The following PIK3C2G variants were observed in gnomAD, a reference collection of about 807,000 sequenced individuals.
The protein encoded by PIK3C2G is phosphatidylinositol-4-phosphate 3-kinase catalytic subunit type 2 gamma.
PIK3C2G carries 168 observed loss-of-function variants against 181.1 expected under a neutral mutation model. The observed-to-expected ratio is 0.93, with a 90% CI of 0.82 to 1.05. PIK3C2G has a LOEUF of 1.05. PIK3C2G is among the 50% of genes least tolerant of loss of function. PIK3C2G has a pLI of 0.00. For synonymous variants in PIK3C2G, 573 were observed against 592.2 expected, an observed-to-expected ratio of 0.97 and a Z score of 0.47; for missense variants, 1,869 against 1,732.8, an observed-to-expected ratio of 1.08 and a Z score of -1.40.
At chr12:18,704,846 C>T in the PIK3C2G span, among the ~76,000 whole-genome samples, 1 of 151,998 alleles carries the variant, frequency 6.6e-6, no homozygotes, top group Non-Finnish European at 1.5e-5. Flanking sequence ...GAACTTTTGC[C>T]ACTTTCTAGG....
At chr12:18,670,509 T>G in the PIK3C2G span, among the ~76,000 whole-genome samples, 1 of 152,212 alleles carries the variant, frequency 6.6e-6, no homozygotes, top group Non-Finnish European at 1.5e-5. Flanking sequence ...AACACAGTTC[T>G]TAACCTCTTT....
intron 32 of PIK3C2G, among the ~76,000 whole-genome samples, chr12:18,642,823 T>TGC (rs55753341): frequency 6.7e-6 from 1 of 149,232 alleles, no homozygotes. Context: ...TGTGTGTGTG[T>TGC]ATAAAATGTA....
intron 24 of PIK3C2G, among the ~76,000 whole-genome samples, chr12:18,510,966 C>A (rs1343373607): frequency 1.3e-5 from 2 of 152,110 alleles, no homozygotes; most frequent in African/African-American, 4.8e-5. Flanking sequence ...ACTTTATACT[C>A]TTTGATCAAT....
chr12:18,304,393 A>G (rs1950332559), intron 5 of PIK3C2G, among the ~76,000 whole-genome samples: 1 of 152,096 alleles, frequency 6.6e-6, no homozygotes. Flanking sequence ...ATTAGCTGGG[A>G]CAACATGTGC....
At position 18,621,891 on chromosome 12, in the gene PIK3C2G, G is replaced by A. The variant is rs574177005; in HGVS notation, c.4182+12262G>A. 7.3e-5 allele frequency among the ~76,000 whole-genome samples: 11 copies of A among 151,438 alleles called. No individual in the cohort carries two copies. The South Asian group carries it at 2.1e-3, about 29-fold the overall frequency. On this transcript the variant is annotated intron_variant, in intron 31 of 32. Coordinates refer to ENST00000538779, the MANE Select transcript of PIK3C2G (RefSeq NM_001288772.2). The stretch of plus-strand genomic sequence containing the variant: ...ATTAACAATCAACACACACACACAC[G>A]TTGGAAAGATTATTCTACCATTTAT...
chr12:18,712,585 T>C, the PIK3C2G span, among the ~76,000 whole-genome samples: 1 of 152,156 alleles, frequency 6.6e-6, no homozygotes, highest in African/African-American at 2.4e-5. Flanking sequence ...AAATATATTT[T>C]ACCTTGTGAA....
chr12:18,604,028 G>A (rs1947877892), intron 30 of PIK3C2G, among the ~76,000 whole-genome samples: 1 of 152,138 alleles, frequency 6.6e-6, no homozygotes, highest in Non-Finnish European at 1.5e-5. Context: ...CATGATGAAT[G>A]CAATGGTACC....
the PIK3C2G span, among the ~76,000 whole-genome samples, chr12:18,676,876 A>T: frequency 6.6e-6 from 1 of 152,146 alleles, no homozygotes; most frequent in Non-Finnish European, 1.5e-5. Flanking sequence ...AAATAATAAT[A>T]ACAGGAAGAT....
At position 18,319,314 on chromosome 12, in the gene PIK3C2G, T is replaced by C. The variant is rs987075840; in HGVS notation, c.1138-1648T>C. On this transcript the variant is annotated intron_variant, in intron 6 of 32. Coordinates refer to ENST00000538779, the MANE Select transcript of PIK3C2G (RefSeq NM_001288772.2). ...GAACATTCACGAACATTTACAGCAA[T>C]AGATTTTTGTATGAGAAAAAAAAAT... Among the ~76,000 whole-genome samples the C allele has an allele frequency of 8.5e-5, 13 of 152,156 alleles. No homozygotes were observed. The East Asian group carries it at 2.5e-3, about 29-fold the overall frequency.
Position 18,395,611 on chromosome 12 carries a change from A to G in PIK3C2G, c.2127-4048A>G, listed in dbSNP as rs1334056258. Reference sequence around the variant, plus strand: ...CCCCAAAATATGTAAATAAATAAAAACAGTTTCATTTACACATTTATTAAT... The same window carrying G: ...CCCCAAAATATGTAAATAAATAAAAGCAGTTTCATTTACACATTTATTAAT... On this transcript the variant is annotated intron_variant, in intron 15 of 32. Transcript: ENST00000538779. Among the ~76,000 whole-genome samples, 5 of 150,400 alleles carry G rather than the reference A, an allele frequency of 3.3e-5. No individual in the cohort carries two copies. The East Asian group carries it at 7.7e-4, about 23-fold the overall frequency.
At chr12:18,723,292 G>T in the PIK3C2G span, 36 of 1,585,960 alleles carry the variant, frequency 2.3e-5, no homozygotes, top group Non-Finnish European at 2.9e-5. Context: ...TCCGATAAAA[G>T]TTTGAAATGC....
downstream of PIK3C2G, among the ~76,000 whole-genome samples, chr12:18,650,704 GTATATATCTA>G (rs1950448561): frequency 3.3e-3 from 191 of 57,734 alleles, 4 homozygotes; most frequent in African/African-American, 9.1e-3. Flanking sequence ...GTGTGTGTGT[GTATATATCTA>G]TATATATATA....
chr12:18,460,082 A>G (rs1241857332), intron 18 of PIK3C2G, among the ~76,000 whole-genome samples: 3 of 152,046 alleles, frequency 2.0e-5, no homozygotes, highest in African/African-American at 7.2e-5. Flanking sequence ...TTTCTTAATT[A>G]CTTTTTTCTA....
chr12:18,527,795 T>G (rs141129754), intron 24 of PIK3C2G, among the ~76,000 whole-genome samples: 2 of 152,134 alleles, frequency 1.3e-5, no homozygotes, highest in African/African-American at 4.8e-5. Flanking sequence ...GACTTGATAA[T>G]TTTGAAGAAA....
At position 18,346,836 on chromosome 12, in the gene PIK3C2G, G is replaced by GGTGA. The variant is rs1939713987; in HGVS notation, c.1625+4_1625+7dup. 2 of 1,580,018 alleles carry GGTGA rather than the reference G, an allele frequency of 1.3e-6. No homozygotes were observed. Among genetic ancestry groups the GGTGA allele is most frequent in the Non-Finnish European group, 1.7e-6 (2 of 1,159,496 alleles). ...AACATTCCAGAAACCTGGGTGCACAGGTGAGTGGTGGTGAGTTTTTCACAA... is the reference window on the plus strand; with the variant it reads ...AACATTCCAGAAACCTGGGTGCACAGGTGAGTGAGTGGTGGTGAGTTTTTCACAA... On this transcript the variant is annotated stop_gained and frameshift_variant and splice_region_variant. Transcript: ENST00000538779. LOFTEE classifies it high-confidence loss of function.
intron 29 of PIK3C2G, among the ~76,000 whole-genome samples, chr12:18,575,809 T>C (rs1212431112): frequency 6.6e-6 from 1 of 152,248 alleles, no homozygotes; most frequent in African/African-American, 2.4e-5. Context: ...ACAAAATGAC[T>C]ATATTTATCT....
the PIK3C2G span, among the ~76,000 whole-genome samples, chr12:18,669,939 A>G: frequency 6.6e-6 from 1 of 152,206 alleles, no homozygotes; most frequent in African/African-American, 2.4e-5. Flanking sequence ...AAGTGCTGGG[A>G]CTACAGGTGT....
chr12:18,698,765 C>A, the PIK3C2G span, among the ~76,000 whole-genome samples: 57 of 152,082 alleles, frequency 3.7e-4, no homozygotes, highest in Admixed American at 2.8e-3. Flanking sequence ...AGCATTTATC[C>A]TTTGTGTAAC....
chr12:18,658,724 T>C, the PIK3C2G span, among the ~76,000 whole-genome samples: 1 of 152,132 alleles, frequency 6.6e-6, no homozygotes, highest in African/African-American at 2.4e-5. Context: ...GTTATGCATA[T>C]AAATTCTTTT....
Sources: allele counts gnomAD v4.1 joint callset (sites outside exome capture counted in the v4.1 genomes callset), GRCh38; gene constraint gnomAD v4.1.1; transcripts MANE v1.5; gene names NCBI Gene and HGNC (gene_info 2026-07-23, HGNC 2026-07-21).